Variants in RHBDD1 observed in about 807,000 individuals in gnomAD.
RHBDD1 encodes rhomboid domain containing 1.
RHBDD1 carries 38 observed loss-of-function variants against 36.3 expected under a neutral mutation model. The ratio of observed to expected loss-of-function variants is 1.05; its 90% CI spans 0.81 to 1.37. The LOEUF (loss-of-function observed/expected upper bound fraction) is 1.37. Among genes scored for constraint, RHBDD1 ranks in the 40% most tolerant of loss-of-function variants. The pLI, the probability that RHBDD1 is intolerant of heterozygous loss-of-function variation, is 0.00. For synonymous variants in RHBDD1, 151 were observed against 136.5 expected, an observed-to-expected ratio of 1.11 and a Z score of -0.74; for missense variants, 393 against 377.6, an observed-to-expected ratio of 1.04 and a Z score of -0.34.
chr2:226,952,091 A>T (rs1951463758), intron 8 of RHBDD1, among the ~76,000 whole-genome samples: 2 of 152,036 alleles, frequency 1.3e-5, no homozygotes, highest in South Asian at 4.1e-4. Context: ...GTGCACAGAG[A>T]TGGTAGCGTG....
chr2:226,972,655 G>T (rs1433271782), intron 8 of RHBDD1, among the ~76,000 whole-genome samples: 2 of 152,146 alleles, frequency 1.3e-5, no homozygotes, highest in African/African-American at 2.4e-5. Context: ...GAAATTTTTT[G>T]AGTCAGTCAT....
At chr2:226,890,386 G>A (rs1421872733) in intron 5 of RHBDD1, among the ~76,000 whole-genome samples, 2 of 152,180 alleles carry the variant, frequency 1.3e-5, no homozygotes, top group Non-Finnish European at 2.9e-5. Context: ...GAGGAATGGA[G>A]CTATATCTGT....
At chr2:226,893,775 G>A (rs2125520664) in intron 5 of RHBDD1, among the ~76,000 whole-genome samples, 1 of 152,178 alleles carries the variant, frequency 6.6e-6, no homozygotes, top group East Asian at 1.9e-4. Flanking sequence ...TGGCATTTGG[G>A]GTGCAGGGGC....
chr2:226,905,277 TG>T lies in RHBDD1; in HGVS notation c.567-1515del, dbSNP rs963415412. On this transcript the variant is annotated intron_variant, in intron 5 of 8. Coordinates refer to ENST00000392062, the MANE Select transcript of RHBDD1 (RefSeq NM_001167608.3). ...GACAGGCAGGCAGACGTGTAAGTAC[TG>T]TGCCACCAGCAGACTGGCTTCGTGC... 1.3e-3 allele frequency among the ~76,000 whole-genome samples: 200 copies of T among 152,234 alleles called. 3 individuals are homozygous for T. Among genetic ancestry groups the T allele is most frequent in the African/African-American group, 4.7e-3 (196 of 41,532 alleles).
At chr2:226,819,122 C>A in the RHBDD1 span, among the ~76,000 whole-genome samples, 11,151 of 152,214 alleles carry the variant, frequency 0.073, 471 homozygotes, top group East Asian at 0.13. Flanking sequence ...ATTTATGACC[C>A]CTGTCTTAAG....
intron 1 of RHBDD1, chr2:226,837,621 C>G (rs1941120282): frequency 6.6e-6 from 1 of 152,294 alleles, no homozygotes; most frequent in East Asian, 1.9e-4. Context: ...ACTGTAACCG[C>G]TGCCTCCAGG....
At chr2:226,948,601 T>TAAAAA (rs60725545) in intron 8 of RHBDD1, among the ~76,000 whole-genome samples, 2 of 122,542 alleles carry the variant, frequency 1.6e-5, no homozygotes, top group South Asian at 2.5e-4. Flanking sequence ...AAAATAAAAA[T>TAAAAA]AAAAAAAAAT....
upstream of RHBDD1, among the ~76,000 whole-genome samples, chr2:226,832,801 AGTT>A: frequency 6.6e-6 from 1 of 152,108 alleles, no homozygotes; most frequent in South Asian, 2.1e-4. Context: ...TCAGGTCAGG[AGTT>A]TGAGATCAGC....
chr2:226,926,555 C>G (rs1188490818), intron 8 of RHBDD1, among the ~76,000 whole-genome samples: 1 of 152,128 alleles, frequency 6.6e-6, no homozygotes, highest in African/African-American at 2.4e-5. Context: ...TTGGCACTTA[C>G]ATTTGAGGAC....
intron 3 of RHBDD1, among the ~76,000 whole-genome samples, chr2:226,845,372 A>G (rs191855999): frequency 3.9e-5 from 6 of 152,338 alleles, no homozygotes; most frequent in Admixed American, 3.9e-4. Flanking sequence ...TGTGAAACCA[A>G]ATGAGCCTAT....
intron 8 of RHBDD1, among the ~76,000 whole-genome samples, chr2:226,978,340 A>G (rs1382773411): frequency 6.6e-6 from 1 of 152,126 alleles, no homozygotes; most frequent in African/African-American, 2.4e-5. Flanking sequence ...TTTTTTGCCA[A>G]GCCACTAGTT....
At chr2:226,928,333 A>G (rs1174257481) in intron 8 of RHBDD1, among the ~76,000 whole-genome samples, 1 of 152,146 alleles carries the variant, frequency 6.6e-6, no homozygotes, top group Non-Finnish European at 1.5e-5. Flanking sequence ...AAAACTAGAA[A>G]TCAGTTCTAA....
At chr2:226,940,348 G>T (rs547476798) in intron 8 of RHBDD1, among the ~76,000 whole-genome samples, 1 of 151,926 alleles carries the variant, frequency 6.6e-6, no homozygotes, top group South Asian at 2.1e-4. Flanking sequence ...CTATCTAATT[G>T]TACGCATCAA....
intron 8 of RHBDD1, among the ~76,000 whole-genome samples, chr2:226,915,167 G>A (rs1157399983): frequency 6.6e-6 from 1 of 152,088 alleles, no homozygotes; most frequent in Non-Finnish European, 1.5e-5. Flanking sequence ...CAAGCTAAGT[G>A]TTAGACGTAG....
chr2:226,850,147 CG>C (rs1942667489), intron 3 of RHBDD1, among the ~76,000 whole-genome samples: 1 of 152,248 alleles, frequency 6.6e-6, no homozygotes, highest in African/African-American at 2.4e-5. Context: ...GGGAAACAGA[CG>C]GGGGTTGATG....
chr2:226,882,283 A>C (rs553077478), intron 5 of RHBDD1, among the ~76,000 whole-genome samples: 2 of 152,028 alleles, frequency 1.3e-5, no homozygotes, highest in East Asian at 3.9e-4. Context: ...TACAAAAACT[A>C]GCTGGGCTTG....
chr2:226,849,134 G>C (rs760012587), intron 3 of RHBDD1, among the ~76,000 whole-genome samples: 18 of 152,290 alleles, frequency 1.2e-4, no homozygotes, highest in Non-Finnish European at 1.8e-4. Context: ...ATCAGATTTA[G>C]CTATTATTAT....
chr2:226,864,773 T>C lies in RHBDD1; in HGVS notation c.80T>C (p.Ile27Thr). Residue 27 changes from isoleucine (I) to threonine (T), a missense_variant, in exon 4 of 9, where the codon ATT (isoleucine) becomes ACT (threonine). Ile to Thr is a moderately conservative substitution (Grantham distance 89). Transcript: ENST00000392062. ...ATCTTCCATGTTGGGATCAACAATA[T>C]TCCACCTGTCACCCTAGCAACTTTG... ...SQIFHVGINN[I>T]PPVTLATLAL... 2 of 1,614,194 alleles carry C rather than the reference T, an allele frequency of 1.2e-6. No individual in the cohort carries two copies. Among genetic ancestry groups the C allele is most frequent in the Non-Finnish European group, 1.7e-6 (2 of 1,180,026 alleles).
Position 226,998,830 on chromosome 2 carries a change from C to T in RHBDD1, c.*3308C>T, listed in dbSNP as rs1330831900. The T allele has an allele frequency of 6.6e-6, 1 of 152,190 alleles. No individual in the cohort carries two copies. Among genetic ancestry groups the T allele is most frequent in the Non-Finnish European group, 1.5e-5 (1 of 68,050 alleles). The allele number at this position is 152,190 out of a possible 1,614,324, so 9.4% of individuals were successfully genotyped here. On this transcript the variant is annotated 3_prime_UTR_variant, in exon 9 of 9. Coordinates refer to ENST00000392062, the MANE Select transcript of RHBDD1 (RefSeq NM_001167608.3). ...ATTAGCCTCAACAGTGGGCTTCAACCAGCCTTTGGACCTCAGCCCCATTTA... is the reference window on the plus strand; with the variant it reads ...ATTAGCCTCAACAGTGGGCTTCAACTAGCCTTTGGACCTCAGCCCCATTTA...
Sources: allele counts gnomAD v4.1 joint callset (sites outside exome capture counted in the v4.1 genomes callset), GRCh38; gene constraint gnomAD v4.1.1; transcripts MANE v1.5; gene names NCBI Gene and HGNC (gene_info 2026-07-23, HGNC 2026-07-21).